Variants in CSMD1 observed in about 807,000 individuals in gnomAD.
CSMD1 encodes CUB and sushi domain-containing protein 1.
Under a neutral mutation model 417.5 loss-of-function variants are expected in CSMD1, and 213 were observed. The observed-to-expected ratio is 0.51, with a 90% CI of 0.46 to 0.57. The LOEUF is 0.57. Among genes scored for constraint, CSMD1 ranks in the 20% least tolerant of loss-of-function variants. CSMD1 has a pLI of 0.00. For synonymous variants in CSMD1, 2,862 were observed against 1,736.8 expected (o/e 1.65, Z -16.11); for missense variants, 6,923 against 4,529.7 (o/e 1.53, Z -15.17).
intron 6 of CSMD1, among the ~76,000 whole-genome samples, chr8:3,746,483 T>C (rs1430956885): frequency 6.6e-6 from 1 of 152,228 alleles, no homozygotes; most frequent in Non-Finnish European, 1.5e-5. Context: ...TTGTCATGCA[T>C]TAATATTTCA....
At chr8:3,746,717 T>G (rs1327311950) in intron 6 of CSMD1, among the ~76,000 whole-genome samples, 1 of 152,230 alleles carries the variant, frequency 6.6e-6, no homozygotes, top group Non-Finnish European at 1.5e-5. Flanking sequence ...CAACTAATAT[T>G]TAAGTGTATT....
At chr8:3,182,053 A>C (rs1563118502) in intron 36 of CSMD1, among the ~76,000 whole-genome samples, 1 of 152,242 alleles carries the variant, frequency 6.6e-6, no homozygotes, top group Non-Finnish European at 1.5e-5. Context: ...CTCGATGTCA[A>C]AGAACTATCC....
At chr8:4,556,723 T>G (rs1798105211) in intron 2 of CSMD1, among the ~76,000 whole-genome samples, 1 of 152,156 alleles carries the variant, frequency 6.6e-6, no homozygotes. Context: ...CCACAAAATA[T>G]TCACAAGATG....
intron 49 of CSMD1, among the ~76,000 whole-genome samples, chr8:3,063,511 G>C (rs1471946776): frequency 2.6e-5 from 4 of 152,046 alleles, no homozygotes; most frequent in Non-Finnish European, 5.9e-5. Context: ...ATACCCAAAA[G>C]GATTAAAAAC....
Position 4,841,930 on chromosome 8 carries a change from A to AAAAAAAAAAAAAAAACAAAAC in CSMD1, c.85+152401_85+152402insGTTTTGTTTTTTTTTTTTTTT, listed in dbSNP as rs1192383183. Among the ~76,000 whole-genome samples, 330 of 122,410 alleles carry AAAAAAAAAAAAAAAACAAAAC rather than the reference A, an allele frequency of 2.7e-3. 11 individuals carry two copies. The highest frequency in any genetic ancestry group is 8.1e-3 in the East Asian group (29 of 3,580). The allele number at this position is 122,410 out of a possible 152,430, so 80.3% of individuals were successfully genotyped here. A position where few individuals can be genotyped will look rare whatever the true frequency, so the allele number is the denominator to read the frequency against. On this transcript the variant is annotated intron_variant, in intron 1 of 69. Coordinates refer to ENST00000635120, the MANE Select transcript of CSMD1 (RefSeq NM_033225.6). The stretch of plus-strand genomic sequence containing the variant: ...CCGTCTCAAAAAAAAAAAAAAAAAA[A>AAAAAAAAAAAAAAAACAAAAC]AAAAAAAAGTTCAGAACAATGGATA...
intron 48 of CSMD1, among the ~76,000 whole-genome samples, chr8:3,088,517 T>C (rs1055451836): frequency 3.3e-5 from 5 of 152,182 alleles, no homozygotes; most frequent in Admixed American, 3.3e-4. Flanking sequence ...TTTTCTATCA[T>C]AGTGGTGCCC....
chr8:3,512,306 G>C (rs1023038010), intron 10 of CSMD1, among the ~76,000 whole-genome samples: 4 of 152,200 alleles, frequency 2.6e-5, no homozygotes, highest in South Asian at 2.1e-4. Context: ...GCTGAGTTTA[G>C]CAACTTATTT....
At chr8:2,960,578 T>C (rs1049752952) in intron 62 of CSMD1, among the ~76,000 whole-genome samples, 1 of 152,244 alleles carries the variant, frequency 6.6e-6, no homozygotes, top group Non-Finnish European at 1.5e-5. Context: ...TTAGTGTTCA[T>C]TTTATTAAAA....
chr8:4,074,324 C>T (rs1490063011), intron 3 of CSMD1, among the ~76,000 whole-genome samples: 1 of 151,962 alleles, frequency 6.6e-6, no homozygotes, highest in Non-Finnish European at 1.5e-5. Flanking sequence ...TATAGATTAA[C>T]AGTATTTGGC....
At chr8:4,900,625 A>C (rs531671005) in intron 1 of CSMD1, among the ~76,000 whole-genome samples, 9 of 152,190 alleles carry the variant, frequency 5.9e-5, no homozygotes, top group Admixed American at 2.6e-4. Context: ...TCGTGCCCCT[A>C]GGCTGTTCAT....
At position 3,337,311 on chromosome 8, in the gene CSMD1, T is replaced by G. The variant is rs188928733; in HGVS notation, c.3631+5983A>C. 6.6e-5 allele frequency among the ~76,000 whole-genome samples: 10 copies of G among 152,370 alleles called. No individual in the cohort carries two copies. In the East Asian group the frequency reaches 1.9e-3, roughly 29 times the overall value. On this transcript the variant is annotated intron_variant, in intron 23 of 69. Coordinates refer to ENST00000635120, the MANE Select transcript of CSMD1 (RefSeq NM_033225.6). ...GCTTTTATTATTCATCACTTTTTAA[T>G]TAAACCTTTTTGTATCTATTCAGCA... is the stretch of plus-strand genomic sequence containing the variant.
intron 1 of CSMD1, among the ~76,000 whole-genome samples, chr8:4,683,659 G>C (rs1323328052): frequency 1.3e-5 from 2 of 152,166 alleles, no homozygotes; most frequent in African/African-American, 4.8e-5. Flanking sequence ...CTGGAGTGTG[G>C]GGACTCCCAG....
chr8:4,848,089 G>C (rs760352260), intron 1 of CSMD1, among the ~76,000 whole-genome samples: 4 of 152,042 alleles, frequency 2.6e-5, no homozygotes, highest in Non-Finnish European at 5.9e-5. Flanking sequence ...GTATGGTTTT[G>C]CAACTGTGTT....
intron 1 of CSMD1, among the ~76,000 whole-genome samples, chr8:4,952,913 C>A (rs368708653): frequency 1.3e-5 from 2 of 152,112 alleles, no homozygotes; most frequent in Non-Finnish European, 2.9e-5. Context: ...CTATACTGAA[C>A]TGATTCACTG....
In CSMD1 at chr8:4,261,757, A is replaced by C. The variant is rs182079958; in HGVS notation, c.415+158196T>G. 1.6e-3 allele frequency among the ~76,000 whole-genome samples: 241 copies of C among 152,240 alleles called. 1 individual carries two copies. The highest frequency in any genetic ancestry group is 5.6e-3 in the African/African-American group (232 of 41,542). The stretch of plus-strand genomic sequence containing the variant: ...CATCACACACAGAAAAATGTTTTCT[A>C]TGTGAAGTGATGAATATGTTAATTA... On this transcript the variant is annotated intron_variant, in intron 3 of 69. Transcript: ENST00000635120.
chr8:4,634,294 T>G (rs1585366272), intron 2 of CSMD1, among the ~76,000 whole-genome samples: 2 of 152,318 alleles, frequency 1.3e-5, no homozygotes, highest in Middle Eastern at 6.8e-3. Flanking sequence ...TGACTAAAGT[T>G]CCAGTTACAA....
intron 2 of CSMD1, among the ~76,000 whole-genome samples, chr8:4,620,750 A>C (rs180848989): frequency 6.6e-6 from 1 of 152,056 alleles, no homozygotes; most frequent in East Asian, 1.9e-4. Flanking sequence ...CAAATAAATT[A>C]TTATATGGAG....
chr8:3,978,226 C>A (rs1813590865), intron 5 of CSMD1, among the ~76,000 whole-genome samples: 1 of 152,194 alleles, frequency 6.6e-6, no homozygotes, highest in South Asian at 2.1e-4. Flanking sequence ...TGCTAGGATT[C>A]CCAGCGCCTG....
intron 5 of CSMD1, among the ~76,000 whole-genome samples, chr8:3,789,390 GTTTTTTTTTTTAAGTAAGT>G (rs765492837): frequency 0.21 from 28,973 of 136,040 alleles, 3,536 homozygotes; most frequent in Non-Finnish European, 0.27. Flanking sequence ...TTTAAGTAGT[GTTTTTTTTTTTAAGTAAGT>G]TTTTTTTTTT....
Sources: gnomAD v4.1 joint callset for allele counts (sites outside exome capture counted in the v4.1 genomes callset) on GRCh38, gnomAD v4.1.1 for gene constraint, MANE v1.5 for transcripts, NCBI Gene and HGNC (gene_info 2026-07-23, HGNC 2026-07-21) for gene names.